FHIT: variants seen among roughly 807,000 people sequenced by gnomAD.
FHIT encodes the protein fragile histidine triad diadenosine triphosphatase, also known as bis(5'-adenosyl)-triphosphatase.
A neutral mutation model predicts 17.9 loss-of-function variants in FHIT; 19 were observed. That is an observed-to-expected ratio of 1.06 (90% CI 0.74 to 1.56). FHIT has a LOEUF of 1.56. FHIT is among the 40% of genes most tolerant of loss of function. The probability of loss-of-function intolerance (pLI) is 0.00; values close to 1 mark genes in which losing one functional copy is unlikely to be tolerated. For missense variants in FHIT, 248 were observed against 189.2 expected, an observed-to-expected ratio of 1.31 and a Z score of -1.82; for synonymous variants, 81 against 69.7, an observed-to-expected ratio of 1.16 and a Z score of -0.81.
chr3:60,158,482 T>G (rs890541283), intron 5 of FHIT, among the ~76,000 whole-genome samples: 1 of 152,136 alleles, frequency 6.6e-6, no homozygotes, highest in Non-Finnish European at 1.5e-5. Context: ...TAGCTAATTT[T>G]TGTATTTTTA....
intron 3 of FHIT, among the ~76,000 whole-genome samples, chr3:60,949,719 C>A (rs565240588): frequency 6.6e-6 from 1 of 152,056 alleles, no homozygotes; most frequent in East Asian, 1.9e-4. Flanking sequence ...AAAGTGGGTA[C>A]CTAAATATCT....
At chr3:60,509,266 C>T (rs2034853880) in intron 5 of FHIT, among the ~76,000 whole-genome samples, 1 of 152,172 alleles carries the variant, frequency 6.6e-6, no homozygotes. Flanking sequence ...ATTACCGCAA[C>T]CAGGATACCC....
intron 4 of FHIT, among the ~76,000 whole-genome samples, chr3:60,657,094 A>G (rs190347284): frequency 1.8e-4 from 27 of 152,292 alleles, no homozygotes; most frequent in Non-Finnish European, 3.8e-4. Flanking sequence ...TATAACATAC[A>G]TGCAACCATG....
chr3:60,596,775 A>G (rs1160371623), intron 4 of FHIT, among the ~76,000 whole-genome samples: 10 of 152,140 alleles, frequency 6.6e-5, no homozygotes, highest in South Asian at 2.1e-4. Flanking sequence ...GAGCATGATA[A>G]TACTTTCTAT....
chr3:60,707,680 C>T (rs1337600693), intron 4 of FHIT, among the ~76,000 whole-genome samples: 1 of 152,070 alleles, frequency 6.6e-6, no homozygotes, highest in Non-Finnish European at 1.5e-5. Context: ...CTTTTGAATG[C>T]CTCCTTAATA....
At chr3:60,397,088 T>C (rs547408419) in intron 5 of FHIT, among the ~76,000 whole-genome samples, 12 of 152,270 alleles carry the variant, frequency 7.9e-5, no homozygotes, top group African/African-American at 2.6e-4. Context: ...ACATAGAAAA[T>C]GTATTATACA....
chr3:60,987,841 T>A (rs948040108), intron 3 of FHIT, among the ~76,000 whole-genome samples: 2 of 152,192 alleles, frequency 1.3e-5, no homozygotes, highest in African/African-American at 2.4e-5. Context: ...GTCCATAAAA[T>A]TCTCTTCCAT....
chr3:60,595,509 GTATA>G (rs1214233521), intron 4 of FHIT, among the ~76,000 whole-genome samples: 1 of 109,398 alleles, frequency 9.1e-6, no homozygotes, highest in Non-Finnish European at 1.8e-5. Flanking sequence ...GTGTGTGTGT[GTATA>G]TATATATGGA....
intron 4 of FHIT, chr3:60,690,162 G>C (rs1408661051): frequency 9.1e-6 from 4 of 440,564 alleles, no homozygotes; most frequent in South Asian, 2.0e-5. Flanking sequence ...GGGGTGGAGG[G>C]GTGCTCCCCT....
chr3:60,754,154 T>C (rs782666716), intron 4 of FHIT, among the ~76,000 whole-genome samples: 1 of 152,200 alleles, frequency 6.6e-6, no homozygotes, highest in Non-Finnish European at 1.5e-5. Context: ...ACTTCTTCAT[T>C]TGATATTCTC....
At chr3:61,130,305 T>C (rs1453081062) in intron 2 of FHIT, among the ~76,000 whole-genome samples, 4 of 152,176 alleles carry the variant, frequency 2.6e-5, no homozygotes, top group Non-Finnish European at 5.9e-5. Flanking sequence ...ACTCCACGTG[T>C]TGTGTTACTT....
chr3:60,441,769 T>TCAGG (rs1491410831), intron 5 of FHIT, among the ~76,000 whole-genome samples: 2 of 29,616 alleles, frequency 6.8e-5, no homozygotes, highest in Admixed American at 4.3e-4. Context: ...TATATATATA[T>TCAGG]TTATATGTAT....
chr3:60,383,695 G>A (rs1393258339), intron 5 of FHIT, among the ~76,000 whole-genome samples: 4 of 151,868 alleles, frequency 2.6e-5, no homozygotes, highest in Non-Finnish European at 4.4e-5. Context: ...CAGATGTCAA[G>A]CTTAACCAAG....
intron 5 of FHIT, among the ~76,000 whole-genome samples, chr3:60,352,059 TTAAGA>T (rs762716654): frequency 2.0e-5 from 3 of 152,330 alleles, no homozygotes; most frequent in East Asian, 1.9e-4. Flanking sequence ...TAATTGCTAC[TTAAGA>T]TAAGAAACCA....
In FHIT at chr3:60,066,630, ATTTTTTTTTTTTTTTTTTTTTTTTT is replaced by A. The variant is rs71089574; in HGVS notation, c.104-52503_104-52479del. On this transcript the variant is annotated intron_variant, in intron 5 of 9. Coordinates refer to ENST00000492590, the MANE Select transcript of FHIT (RefSeq NM_002012.4). ...ATAGGTTGATTTTAATCCCTGACAA[ATTTTTTTTTTTTTTTTTTTTTTTTT>A]TTTTTTTTTTTTTTTTTTTGAGATG... is the stretch of plus-strand genomic sequence containing the variant. 6.4e-4 allele frequency among the ~76,000 whole-genome samples: 33 copies of A among 51,428 alleles called. 1 individual carries two copies. Among genetic ancestry groups the A allele is most frequent in the Middle Eastern group, 0.019 (1 of 54 alleles). 33.7% of individuals were successfully genotyped at this position (51,428 alleles called of 152,430 possible).
chr3:60,472,111 T>G (rs1363967598), intron 5 of FHIT, among the ~76,000 whole-genome samples: 1 of 130,772 alleles, frequency 7.6e-6, no homozygotes, highest in Non-Finnish European at 1.6e-5. Flanking sequence ...ACACAATATA[T>G]CCACGTAACG....
chr3:59,890,192 C>G (rs566068706), intron 8 of FHIT, among the ~76,000 whole-genome samples: 94 of 151,990 alleles, frequency 6.2e-4, no homozygotes, highest in Non-Finnish European at 1.3e-3. Flanking sequence ...GAGGATAAAG[C>G]CTGCAGGGCT....
At chr3:60,966,132 G>C (rs1263110948) in intron 3 of FHIT, among the ~76,000 whole-genome samples, 9 of 152,182 alleles carry the variant, frequency 5.9e-5, no homozygotes, top group Admixed American at 5.2e-4. Context: ...TCAAGCCTCA[G>C]CAATTGCGGA....
chr3:60,692,054 A>G (rs1358828084), intron 4 of FHIT, among the ~76,000 whole-genome samples: 1 of 152,206 alleles, frequency 6.6e-6, no homozygotes, highest in African/African-American at 2.4e-5. Context: ...CAGCTAAATG[A>G]CATGTTGGTT....
Sources: gnomAD v4.1 joint callset for allele counts (sites outside exome capture counted in the v4.1 genomes callset) on GRCh38, gnomAD v4.1.1 for gene constraint, MANE v1.5 for transcripts, NCBI Gene and HGNC (gene_info 2026-07-23, HGNC 2026-07-21) for gene names.